Variants in H6PD observed in about 807,000 individuals in gnomAD.
H6PD encodes the protein hexose-6-phosphate dehydrogenase/glucose 1-dehydrogenase.
In H6PD, 48 loss-of-function variants were observed where a neutral mutation model predicts 61.2. The observed-to-expected ratio is 0.78, with a 90% CI of 0.62 to 1.00. The LOEUF (loss-of-function observed/expected upper bound fraction) is 1.00. Among genes scored for constraint, H6PD ranks in the 50% least tolerant of loss-of-function variants. The probability of loss-of-function intolerance (pLI) is 0.00; values close to 1 mark genes in which losing one functional copy is unlikely to be tolerated. For synonymous variants in H6PD, 480 were observed against 457.9 expected, an observed-to-expected ratio of 1.05 and a Z score of -0.62; for missense variants, 1,093 against 1,065.0, an observed-to-expected ratio of 1.03 and a Z score of -0.37.
intron 1 of H6PD, among the ~76,000 whole-genome samples, chr1:9,241,986 T>C (rs1217709982): frequency 6.6e-6 from 1 of 152,194 alleles, no homozygotes; most frequent in Non-Finnish European, 1.5e-5. Context: ...GTATTATTAT[T>C]GGATTCAGGA....
chr1:9,252,272 ATC>A (rs1557742374), intron 3 of H6PD, among the ~76,000 whole-genome samples: 3 of 152,064 alleles, frequency 2.0e-5, no homozygotes, highest in Admixed American at 6.6e-5. Context: ...ACATACTTAA[ATC>A]TCTATGTATT....
chr1:9,260,328 C>T (rs62642596), intron 3 of H6PD, among the ~76,000 whole-genome samples: 61,958 of 151,588 alleles, frequency 0.41, 13,533 homozygotes, highest in Middle Eastern at 0.56. Context: ...ATTGTTGTTA[C>T]ACCAGTGTTA....
chr1:9,261,956 A>T (rs1638318006), intron 3 of H6PD, 103 bp from the exon 4 acceptor site: 2 of 1,145,838 alleles, frequency 1.7e-6, no homozygotes, highest in African/African-American at 3.0e-5. Context: ...GGGGAAGAGG[A>T]TGCAGGATGA....
chr1:9,236,046 A>G (rs1187739819), intron 1 of H6PD, among the ~76,000 whole-genome samples: 4 of 152,090 alleles, frequency 2.6e-5, no homozygotes, highest in East Asian at 3.9e-4. Context: ...CTGGAGTGCA[A>G]TGGCGCGATC....
intron 4 of H6PD, 79 bp downstream of exon 4, chr1:9,262,407 G>A: frequency 2.3e-6 from 3 of 1,321,842 alleles, no homozygotes; most frequent in Non-Finnish European, 3.2e-6. Context: ...ACGCCCTTGG[G>A]TGGAGTGGAG....
chr1:9,255,146 T>C (rs1641476697), intron 3 of H6PD, among the ~76,000 whole-genome samples: 1 of 152,264 alleles, frequency 6.6e-6, no homozygotes, highest in South Asian at 2.1e-4. Context: ...AATGCTGCAA[T>C]GAGCATTCAT....
At chr1:9,257,632 G>T (rs550187350) in intron 3 of H6PD, among the ~76,000 whole-genome samples, 3 of 152,280 alleles carry the variant, frequency 2.0e-5, no homozygotes, top group South Asian at 2.1e-4. Context: ...AGCCTCCCTC[G>T]TAGTGGGGAA....
At chr1:9,238,768 A>G (rs1233456293) in intron 1 of H6PD, among the ~76,000 whole-genome samples, 1 of 152,160 alleles carries the variant, frequency 6.6e-6, no homozygotes, top group Non-Finnish European at 1.5e-5. Context: ...CGGGCTGTAA[A>G]TAAAGACTTG....
At chr1:9,253,353 G>A (rs774763642) in intron 3 of H6PD, among the ~76,000 whole-genome samples, 19 of 152,214 alleles carry the variant, frequency 1.2e-4, no homozygotes, top group Non-Finnish European at 2.2e-4. Context: ...TTAGGGATTC[G>A]CTACATTAAT....
Position 9,245,718 on chromosome 1 carries a change from A to G in H6PD, c.627+157A>G, listed in dbSNP as rs1641152742. Among the ~76,000 whole-genome samples the G allele has an allele frequency of 6.6e-6, 1 of 152,160 alleles. No homozygotes were observed. The highest frequency in any genetic ancestry group is 2.4e-5 in the African/African-American group (1 of 41,456). ...GAAGGTGGGCAGGAGGCGAGCGGGT[A>G]AAGGAAAGACAGCAGCAGGGCAGGA... is the stretch of plus-strand genomic sequence containing the variant. On this transcript the variant is annotated intron_variant, in intron 2 of 4. Transcript: ENST00000377403. This position sits in a 1 kb window ranked among gnomAD's most constrained non-coding sequence, Gnocchi z 4.8.
chr1:9,243,220 C>T (rs747978717), intron 1 of H6PD, among the ~76,000 whole-genome samples: 5 of 152,040 alleles, frequency 3.3e-5, no homozygotes, highest in African/African-American at 4.8e-5. Context: ...GGGGGTCTGA[C>T]GTCAGGGTCA....
chr1:9,258,778 A>C (rs892894035), intron 3 of H6PD, among the ~76,000 whole-genome samples: 10 of 150,606 alleles, frequency 6.6e-5, no homozygotes, highest in Non-Finnish European at 1.3e-4. Flanking sequence ...TGGTGTTGTT[A>C]TGTTGTTGTT....
chr1:9,260,095 C>T (rs1020142660), intron 3 of H6PD, among the ~76,000 whole-genome samples: 10 of 148,006 alleles, frequency 6.8e-5, no homozygotes, highest in East Asian at 2.0e-4. Flanking sequence ...GTTGTTACGC[C>T]GGTGTCGTTA....
Position 9,268,699 on chromosome 1 carries a change from CA to C in H6PD, c.*3831del, listed in dbSNP as rs904403899. The C allele has an allele frequency of 2.0e-5, 3 of 152,184 alleles. No individual in the cohort carries two copies. The highest frequency in any genetic ancestry group is 6.5e-5 in the Admixed American group (1 of 15,282). The allele number at this position is 152,184 out of a possible 1,614,324, so 9.4% of individuals were successfully genotyped here. A position where few individuals can be genotyped will look rare whatever the true frequency, so the allele number is the denominator to read the frequency against. On this transcript the variant is annotated 3_prime_UTR_variant, in exon 5 of 5. Coordinates refer to ENST00000377403, the MANE Select transcript of H6PD (RefSeq NM_004285.4). Reference sequence around the variant, plus strand: ...CCCTACTCTTGGGCCCCCAAGTTAGCAGAGTAATCAAAGCTTCCTACCGTTT... The same window carrying C: ...CCCTACTCTTGGGCCCCCAAGTTAGCGAGTAATCAAAGCTTCCTACCGTTT...
In H6PD at chr1:9,262,188, A is replaced by T. The variant is rs1470165248; in HGVS notation, c.875A>T (p.His292Leu). 11 of 1,614,108 alleles carry T rather than the reference A, an allele frequency of 6.8e-6. No individual in the cohort carries two copies. Among genetic ancestry groups the T allele is most frequent in the Non-Finnish European group, 9.3e-6 (11 of 1,180,050 alleles). ...AGCAGTGCGGAGGCTGTGCTGCGGC[A>T]CAAGCTTCAGGTCTTCCAGGCGCTG... ...NVSSAEAVLRHKLQVFQALRG... is the reference protein window; with the variant it reads ...NVSSAEAVLRLKLQVFQALRG... The change falls in exon 4 of 5, where the codon CAC becomes CTC. Residue 292 changes from histidine to leucine, a missense_variant. Physicochemically the swap from His to Leu is moderately conservative, Grantham distance 99. Coordinates refer to ENST00000377403, the MANE Select transcript of H6PD (RefSeq NM_004285.4).
rs377032853 is a variant in H6PD at position 9,264,086 on chromosome 1, G to A, written c.1593G>A (p.Val531=). 3 of 1,613,942 alleles carry A rather than the reference G, an allele frequency of 1.9e-6. No homozygotes were observed. The South Asian group carries it at 3.3e-5, about 18-fold the overall frequency. Residue 531 remains valine, a synonymous_variant, in exon 5 of 5, where the codon GTG becomes GTA. Coordinates refer to ENST00000377403, the MANE Select transcript of H6PD (RefSeq NM_004285.4). ...FFSQQQPEQL[V]PGPGPAPMPS... ...CCCAGCAGCAGCCGGAGCAGCTGGTGCCAGGGCCAGGGCCGGCCCCAATGC... is the reference window on the plus strand; with the variant it reads ...CCCAGCAGCAGCCGGAGCAGCTGGTACCAGGGCCAGGGCCGGCCCCAATGC...
At position 9,266,813 on chromosome 1, in the gene H6PD, CCAGA is replaced by C. The variant is rs1638574281; in HGVS notation, c.*1949_*1952del. The C allele has an allele frequency of 7.4e-6, 1 of 134,826 alleles. No individual in the cohort carries two copies. Among genetic ancestry groups the C allele is most frequent in the South Asian group, 2.5e-4 (1 of 3,970 alleles). The allele number at this position is 134,826 out of a possible 1,614,324, so 8.4% of individuals were successfully genotyped here. A position where few individuals can be genotyped will look rare whatever the true frequency, so the allele number is the denominator to read the frequency against. Reference sequence around the variant, plus strand: ...CTCTGGCCACCAACAACAACCCAGGCCAGACAGAGCATCTCTTTTTTTTTTTTTT... The same window carrying C: ...CTCTGGCCACCAACAACAACCCAGGCCAGAGCATCTCTTTTTTTTTTTTTT... On this transcript the variant is annotated 3_prime_UTR_variant, in exon 5 of 5. Coordinates refer to ENST00000377403, the MANE Select transcript of H6PD (RefSeq NM_004285.4).
At chr1:9,263,448 G>T in intron 4 of H6PD, 61 bp from the exon 5 acceptor site, 4 of 1,541,272 alleles carry the variant, frequency 2.6e-6, no homozygotes, top group South Asian at 1.1e-5. Context: ...GAGAGGAGAG[G>T]GCTGGCCGGA....
intron 3 of H6PD, among the ~76,000 whole-genome samples, chr1:9,250,809 C>G (rs1641337689): frequency 6.6e-6 from 1 of 152,212 alleles, no homozygotes; most frequent in Non-Finnish European, 1.5e-5. Context: ...GATGTCTTCC[C>G]CCACCCGCAT....
Sources: allele counts gnomAD v4.1 joint callset (sites outside exome capture counted in the v4.1 genomes callset), GRCh38; gene constraint gnomAD v4.1.1; non-coding constraint Gnocchi (gnomAD v3.1); transcripts MANE v1.5; gene names NCBI Gene and HGNC (gene_info 2026-07-23, HGNC 2026-07-21).